The following SLC49A4 variants were observed in gnomAD, a reference collection of about 807,000 sequenced individuals.
SLC49A4 encodes the protein disrupted in renal cancer protein 2.
In SLC49A4, 36 loss-of-function variants were observed where a neutral mutation model predicts 50.6. The observed-to-expected ratio is 0.71, with a 90% CI of 0.55 to 0.94. The LOEUF (loss-of-function observed/expected upper bound fraction) is 0.94, where lower values mean the gene tolerates loss of function less well. SLC49A4 is among the 40% of genes least tolerant of loss of function. SLC49A4 has a pLI of 0.00. For synonymous variants in SLC49A4, 248 were observed against 241.2 expected, an observed-to-expected ratio of 1.03 and a Z score of -0.26; for missense variants, 503 against 605.7, an observed-to-expected ratio of 0.83 and a Z score of 1.78.
At chr3:122,859,544 G>A (rs995258087) in intron 6 of SLC49A4, among the ~76,000 whole-genome samples, 1 of 152,152 alleles carries the variant, frequency 6.6e-6, no homozygotes, top group Non-Finnish European at 1.5e-5. Flanking sequence ...AAATGACAGT[G>A]ACACTTAAAA....
chr3:122,838,879 A>G (rs1051542958), intron 4 of SLC49A4, among the ~76,000 whole-genome samples: 1 of 151,658 alleles, frequency 6.6e-6, no homozygotes, highest in Non-Finnish European at 1.5e-5. Context: ...ATAGAATTAG[A>G]AAAAAAAATC....
At chr3:122,822,028 A>G (rs1420881606) in intron 2 of SLC49A4, among the ~76,000 whole-genome samples, 2 of 152,142 alleles carry the variant, frequency 1.3e-5, no homozygotes, top group Non-Finnish European at 2.9e-5. Flanking sequence ...TGAGTTCCCG[A>G]GAGCATCCAC....
At chr3:122,869,857 C>T (rs1042076590) in intron 7 of SLC49A4, among the ~76,000 whole-genome samples, 4 of 152,130 alleles carry the variant, frequency 2.6e-5, no homozygotes, top group South Asian at 2.1e-4. Flanking sequence ...TCAGACAGCC[C>T]GCTGCTTCCC....
intron 2 of SLC49A4, among the ~76,000 whole-genome samples, chr3:122,823,202 G>A (rs1023828157): frequency 3.3e-5 from 5 of 152,202 alleles, no homozygotes; most frequent in Non-Finnish European, 7.4e-5. Context: ...TCCCAGGCCT[G>A]CTCTTCCAAG....
At chr3:122,835,815 T>C (rs1305305306) in intron 4 of SLC49A4, among the ~76,000 whole-genome samples, 1 of 152,116 alleles carries the variant, frequency 6.6e-6, no homozygotes, top group African/African-American at 2.4e-5. Flanking sequence ...AGTCAAATGA[T>C]CACTGTTTGC....
chr3:122,871,683 A>G (rs908050882), intron 7 of SLC49A4, among the ~76,000 whole-genome samples: 11 of 152,152 alleles, frequency 7.2e-5, no homozygotes, highest in African/African-American at 2.4e-4. Context: ...ACAAGGGTTT[A>G]TAGACAGACA....
At chr3:122,837,868 A>G (rs2107570291) in intron 4 of SLC49A4, among the ~76,000 whole-genome samples, 1 of 152,330 alleles carries the variant, frequency 6.6e-6, no homozygotes, top group African/African-American at 2.4e-5. Context: ...TTTACAAGAA[A>G]AAAACAACCC....
rs772569290 is a variant in SLC49A4 at position 122,879,824 on chromosome 3, T to G, written c.*446T>G. 6.5e-6 allele frequency: 1 copy of G among 153,720 alleles called. No homozygotes were observed. The highest frequency in any genetic ancestry group is 1.5e-5 in the Non-Finnish European group (1 of 68,776). 9.5% of individuals were successfully genotyped at this position (153,720 alleles called of 1,614,324 possible). A position where few individuals can be genotyped will look rare whatever the true frequency, so the allele number is the denominator to read the frequency against. ...AAAGAAGTTCAAACCCTGTATCCAATTTTAATGATAAAATAGCCAAGAGGT... is the reference window on the plus strand; with the variant it reads ...AAAGAAGTTCAAACCCTGTATCCAAGTTTAATGATAAAATAGCCAAGAGGT... On this transcript the variant is annotated 3_prime_UTR_variant, in exon 9 of 9. Transcript: ENST00000261038.
At chr3:122,833,053 A>T (rs1019335703) in intron 3 of SLC49A4, among the ~76,000 whole-genome samples, 3 of 152,056 alleles carry the variant, frequency 2.0e-5, no homozygotes, top group Non-Finnish European at 4.4e-5. Context: ...CCTGGACAAC[A>T]TGGTGAGACC....
In SLC49A4 at chr3:122,872,436, T is replaced by C; in HGVS notation, c.1160T>C (p.Ile387Thr). The change falls in exon 8 of 9, where the codon ATT becomes ACT. Residue 387 changes from isoleucine to threonine, a missense_variant. Physicochemically the swap from Ile to Thr is moderately conservative, Grantham distance 89. Coordinates refer to ENST00000261038, the MANE Select transcript of SLC49A4 (RefSeq NM_032839.3). ...LTTVTLYASC[I>T]LLGVFLNSSV... ...TTAGTGACATTGTATGCCTCCTGTA[T>C]TCTCCTGGGAGTGTTCTTGAATAGC... 1 of 1,611,796 alleles carries C rather than the reference T, an allele frequency of 6.2e-7. No individual in the cohort carries two copies. The highest frequency in any genetic ancestry group is 8.5e-7 in the Non-Finnish European group (1 of 1,179,480).
intron 7 of SLC49A4, among the ~76,000 whole-genome samples, chr3:122,871,323 T>A (rs1482821733): frequency 6.6e-6 from 1 of 152,128 alleles, no homozygotes; most frequent in Non-Finnish European, 1.5e-5. Context: ...GAAATCAGTG[T>A]GTACTATTAT....
chr3:122,864,684 G>A (rs893887330), intron 7 of SLC49A4, among the ~76,000 whole-genome samples: 2 of 152,128 alleles, frequency 1.3e-5, no homozygotes, highest in Non-Finnish European at 2.9e-5. Flanking sequence ...GACTTCAAGT[G>A]TTATTTAAAG....
At chr3:122,835,699 C>T (rs1440369633) in intron 4 of SLC49A4, among the ~76,000 whole-genome samples, 1 of 152,052 alleles carries the variant, frequency 6.6e-6, no homozygotes, top group Non-Finnish European at 1.5e-5. Context: ...TGGAACAAGA[C>T]AAGGATGCCC....
At chr3:122,850,373 A>G (rs1936909984) in intron 5 of SLC49A4, among the ~76,000 whole-genome samples, 1 of 152,210 alleles carries the variant, frequency 6.6e-6, no homozygotes, top group African/African-American at 2.4e-5. Context: ...ACTAAGAGTG[A>G]TGTGAAAATA....
At chr3:122,872,090 C>T (rs1937203126) in intron 7 of SLC49A4, among the ~76,000 whole-genome samples, 1 of 152,080 alleles carries the variant, frequency 6.6e-6, no homozygotes, top group Non-Finnish European at 1.5e-5. Context: ...AATTATGGAA[C>T]AAGTCTACAG....
At position 122,833,430 on chromosome 3, in the gene SLC49A4, G is replaced by A. The variant is rs554597947; in HGVS notation, c.817G>A (p.Val273Ile). 36 of 1,613,374 alleles carry A rather than the reference G, an allele frequency of 2.2e-5. No individual in the cohort carries two copies. The highest frequency in any genetic ancestry group is 1.7e-4 in the Middle Eastern group (1 of 6,058). The change falls in exon 4 of 9, where the codon GTT becomes ATT. Residue 273 changes from valine (V) to isoleucine (I), a missense_variant. Physicochemically the swap from Val to Ile is conservative, Grantham distance 29. Transcript: ENST00000261038. ...CCAGCGGCTGAGTTATCGGAGAAGC[G>A]TTTGTAGATTATTAAGGTAAATATA... ...ASQRLSYRRS[V>I]CRLLSNFRFL...
chr3:122,843,023 G>A (rs1936794895), intron 4 of SLC49A4, among the ~76,000 whole-genome samples: 1 of 151,920 alleles, frequency 6.6e-6, no homozygotes, highest in Admixed American at 6.6e-5. Flanking sequence ...CTTTTTTTAC[G>A]TTTATATTTC....
chr3:122,866,511 T>C (rs1022405903), intron 7 of SLC49A4, among the ~76,000 whole-genome samples: 1 of 152,136 alleles, frequency 6.6e-6, no homozygotes, highest in African/African-American at 2.4e-5. Context: ...AACTTAAATA[T>C]CTCCCACAAG....
chr3:122,854,741 A>G (rs1449309504), intron 5 of SLC49A4, among the ~76,000 whole-genome samples: 2 of 152,232 alleles, frequency 1.3e-5, no homozygotes, highest in Admixed American at 1.3e-4. Context: ...GTACCCAGGT[A>G]GAAGAAGAAA....
Sources: gnomAD v4.1 joint callset for allele counts (sites outside exome capture counted in the v4.1 genomes callset) on GRCh38, gnomAD v4.1.1 for gene constraint, MANE v1.5 for transcripts, NCBI Gene and HGNC (gene_info 2026-07-23, HGNC 2026-07-21) for gene names.